Variants in RGS12 observed in about 807,000 individuals in gnomAD.
The protein encoded by RGS12 is regulator of G protein signaling 12.
RGS12 carries 66 observed loss-of-function variants against 120.1 expected under a neutral mutation model. That is an observed-to-expected ratio of 0.55 (90% CI 0.45 to 0.67). The LOEUF (loss-of-function observed/expected upper bound fraction) is 0.67, where lower values mean the gene tolerates loss of function less well. RGS12 is among the 30% of genes least tolerant of loss of function. The pLI is 0.00. For synonymous variants in RGS12, 827 were observed against 804.7 expected, an observed-to-expected ratio of 1.03 and a Z score of -0.47; for missense variants, 1,859 against 1,957.7, an observed-to-expected ratio of 0.95 and a Z score of 0.95.
rs1048012627 is a variant in RGS12, at chr4:3,366,767, A to T, written c.1999-19649A>T. The stretch of plus-strand genomic sequence containing the variant: ...AGAGACTGGTGTGGGTGGGCGCAGG[A>T]ACTGGTGAGAGAGGCCTGGGAGACA... On this transcript the variant is annotated intron_variant, in intron 3 of 17. Transcript: ENST00000336727. This position sits in a 1 kb window ranked among gnomAD's most constrained non-coding sequence, Gnocchi z 4.0. Among the ~76,000 whole-genome samples, 1 of 152,162 alleles carries T rather than the reference A, an allele frequency of 6.6e-6. No individual in the cohort carries two copies. Among genetic ancestry groups the T allele is most frequent in the East Asian group, 1.9e-4 (1 of 5,194 alleles).
chr4:3,375,721 C>T (rs991904729), intron 3 of RGS12, among the ~76,000 whole-genome samples: 12 of 142,956 alleles, frequency 8.4e-5, no homozygotes, highest in African/African-American at 2.9e-4. Context: ...CCAGCCTCAT[C>T]TCCAGCCCTC....
rs540162788 is a variant in RGS12, at chr4:3,365,729, A to G, written c.1999-20687A>G. Among the ~76,000 whole-genome samples, 27 of 152,250 alleles carry G rather than the reference A, an allele frequency of 1.8e-4. 1 individual carries two copies. The South Asian group carries it at 5.0e-3, about 28-fold the overall frequency. On this transcript the variant is annotated intron_variant, in intron 3 of 17. Transcript: ENST00000336727. The surrounding 1 kb of genome is among the most constrained non-coding windows in gnomAD (Gnocchi z 4.0). ...TGTCTCTTAGGTTTGCGACTTTGCT[A>G]TTTTCAGAATTTAACTTAGAAATCT...
chr4:3,379,556 G>T (rs1215598818), intron 3 of RGS12, among the ~76,000 whole-genome samples: 2 of 152,110 alleles, frequency 1.3e-5, no homozygotes, highest in Non-Finnish European at 1.5e-5. Context: ...AGAAATACTT[G>T]AGACTGGGTA....
intron 3 of RGS12, among the ~76,000 whole-genome samples, chr4:3,346,877 A>G (rs971790467): frequency 6.6e-6 from 1 of 152,200 alleles, no homozygotes; most frequent in Non-Finnish European, 1.5e-5. Context: ...CTGTAAGTCT[A>G]GGAACCCTTG....
Position 3,413,969 on chromosome 4 carries a change from C to T in RGS12, c.2021-103C>T, listed in dbSNP as rs554960213. On this transcript the variant is annotated intron_variant, in intron 4 of 17. Coordinates refer to ENST00000336727, the MANE Select transcript of RGS12 (RefSeq NM_001394154.1). ...TTGACTGAATGGGTGTTGGAGGGGA[C>T]AGAGCTTGCTGCGTGTCCCAGGGTC... 1.6e-5 allele frequency: 20 copies of T among 1,247,432 alleles called. No homozygotes were observed. In the East Asian group the frequency reaches 5.1e-4, roughly 32 times the overall value. The allele number at this position is 1,247,432 out of a possible 1,614,324, so 77.3% of individuals were successfully genotyped here. A position where few individuals can be genotyped will look rare whatever the true frequency, so the allele number is the denominator to read the frequency against.
In RGS12 at chr4:3,430,783, C is replaced by T. The variant is rs1724204289; in HGVS notation, c.3942C>T (p.Ala1314=). 6.2e-7 allele frequency: 1 copy of T among 1,611,654 alleles called. No homozygotes were observed. The highest frequency in any genetic ancestry group is 8.5e-7 in the Non-Finnish European group (1 of 1,179,430). ...TCTCCCTCGCGCAGGAGGGCACCGC[C>T]CAGATCTGGAAGAGGCAGTCTCAGG... ...SPVSLAQEGT[A]QIWKRQSQEV... is the part of the protein sequence containing the mutation. The change falls in exon 17 of 18, where the codon GCC becomes GCT. Residue 1314 remains alanine (A), a synonymous_variant. Coordinates refer to ENST00000336727, the MANE Select transcript of RGS12 (RefSeq NM_001394154.1).
At position 3,425,463 on chromosome 4, in the gene RGS12, G is replaced by A. The variant is rs959921466; in HGVS notation, c.3235-1G>A. On this transcript the variant is annotated splice_acceptor_variant, in intron 13 of 17. Coordinates refer to ENST00000336727, the MANE Select transcript of RGS12 (RefSeq NM_001394154.1). LOFTEE classifies it high-confidence loss of function. ...TTATTCAGTGCTGATCTCTGCCCTA[G>A]AGTGGAGAGAAGGAGCCCCTGGACC... 2 of 1,610,466 alleles carry A rather than the reference G, an allele frequency of 1.2e-6. No individual in the cohort carries two copies. Among genetic ancestry groups the A allele is most frequent in the Non-Finnish European group, 1.7e-6 (2 of 1,178,142 alleles).
chr4:3,309,608 CTGGGAATGG>C (rs1724213241), intron 1 of RGS12, among the ~76,000 whole-genome samples: 2 of 76,982 alleles, frequency 2.6e-5, no homozygotes, highest in Non-Finnish European at 4.8e-5. Context: ...GAGCTGGGAC[CTGGGAATGG>C]CAGGTGTCCG....
chr4:3,414,190 C>G lies in RGS12; in HGVS notation c.2139C>G (p.Ala713=), dbSNP rs143650748. The G allele has an allele frequency of 1.8e-4, 284 of 1,551,332 alleles. 3 individuals are homozygous for G. The highest frequency in any genetic ancestry group is 1.5e-3 in the Admixed American group (81 of 52,298). Residue 713 remains alanine, a synonymous_variant, in exon 5 of 18, where the codon GCC becomes GCG. Transcript: ENST00000336727. ...RLRERRVASW[A]VSFERLLQDP... is the part of the protein sequence containing the mutation. ...GTGAGAGGAGGGTCGCCAGCTGGGC[C>G]GTGTCCTTTGAGCGCCTGCTGCAGG...
intron 1 of RGS12, chr4:3,314,044 ATT>A (rs1474556164): frequency 2.0e-5 from 3 of 151,384 alleles, no homozygotes; most frequent in Non-Finnish European, 4.4e-5. Flanking sequence ...AATTTTAATT[ATT>A]TTATTTTTTA....
At position 3,317,784 on chromosome 4, in the gene RGS12, C is replaced by G; in HGVS notation, c.1614C>G (p.Leu538=). 6.2e-7 allele frequency: 1 copy of G among 1,613,440 alleles called. No homozygotes were observed. Among genetic ancestry groups the G allele is most frequent in the African/African-American group, 1.3e-5 (1 of 75,058 alleles). The change falls in exon 2 of 18, where the codon CTC becomes CTG. Residue 538 remains leucine (L), a synonymous_variant. Coordinates refer to ENST00000336727, the MANE Select transcript of RGS12 (RefSeq NM_001394154.1). ...GAGCGFNQRW[L]PVHVLREWQC... ...GCTGTGGTTTCAACCAGCGCTGGCT[C>G]CCGGTCCACGTGCTCCGGGAGTGGC...
At chr4:3,428,799 C>G in intron 16 of RGS12, 88 bp downstream of exon 16, 1 of 1,194,434 alleles carries the variant, frequency 8.4e-7, no homozygotes. Context: ...GAGCTGTCAG[C>G]ATCTGGGTGA....
chr4:3,308,031 G>T (rs1724066671), intron 1 of RGS12, among the ~76,000 whole-genome samples: 2 of 152,262 alleles, frequency 1.3e-5, no homozygotes, highest in African/African-American at 4.8e-5. Flanking sequence ...TGGTGTTTGT[G>T]CGATTCTTGG....
At chr4:3,417,208 C>A in intron 8 of RGS12, 116 bp downstream of exon 8, 1 of 1,341,970 alleles carries the variant, frequency 7.5e-7, no homozygotes, top group Non-Finnish European at 1.0e-6. Flanking sequence ...GTGGGTGACG[C>A]TCCATGCTGG....
intron 17 of RGS12, chr4:3,431,699 C>A: frequency 1.0e-6 from 1 of 985,658 alleles, no homozygotes; most frequent in South Asian, 4.7e-5. Flanking sequence ...GGGCCGTGGC[C>A]TGCGTGGCCA....
chr4:3,385,081 C>T (rs1321397294), intron 3 of RGS12: 1 of 152,602 alleles, frequency 6.6e-6, no homozygotes, highest in Non-Finnish European at 1.5e-5. Context: ...TGGTCCCCTC[C>T]CCCTTGGGAG....
intron 2 of RGS12, among the ~76,000 whole-genome samples, chr4:3,326,015 A>G (rs911170673): frequency 5.9e-5 from 9 of 152,296 alleles, no homozygotes; most frequent in African/African-American, 1.7e-4. Context: ...TAGAAGGAAT[A>G]TAGCTCAAAA....
chr4:3,338,832 C>T (rs987971369), intron 2 of RGS12, among the ~76,000 whole-genome samples: 8 of 152,176 alleles, frequency 5.3e-5, no homozygotes, highest in Non-Finnish European at 1.2e-4. Flanking sequence ...GTTGTTTTCC[C>T]TGTTTAGTAC....
At chr4:3,350,453 A>T (rs1196055575) in intron 3 of RGS12, among the ~76,000 whole-genome samples, 1 of 152,190 alleles carries the variant, frequency 6.6e-6, no homozygotes. Flanking sequence ...AGGCTGAGGC[A>T]AGAGGATTGC....
Sources: allele counts gnomAD v4.1 joint callset (sites outside exome capture counted in the v4.1 genomes callset), GRCh38; gene constraint gnomAD v4.1.1; non-coding constraint Gnocchi (gnomAD v3.1); transcripts MANE v1.5; gene names NCBI Gene and HGNC (gene_info 2026-07-23, HGNC 2026-07-21).